NFX1: variants seen among roughly 807,000 people sequenced by gnomAD.
NFX1 encodes the protein transcriptional repressor NF-X1.
A neutral mutation model predicts 137.2 loss-of-function variants in NFX1; 69 were observed. The observed-to-expected ratio is 0.50, with a 90% confidence interval of 0.41 to 0.61. The LOEUF is 0.61. Among genes scored for constraint, NFX1 ranks in the 20% least tolerant of loss-of-function variants. The pLI, the probability that NFX1 is intolerant of heterozygous loss-of-function variation, is 0.00. For synonymous variants in NFX1, 495 were observed against 474.1 expected (o/e 1.04, Z -0.57); for missense variants, 1,167 against 1,391.0 (o/e 0.84, Z 2.56).
At chr9:33,322,826 T>C (rs1564119584) in intron 9 of NFX1, among the ~76,000 whole-genome samples, 1 of 152,176 alleles carries the variant, frequency 6.6e-6, no homozygotes, top group Non-Finnish European at 1.5e-5. Context: ...CTAAGGACAC[T>C]TTAGAAAATG....
In NFX1 at chr9:33,324,822, G is replaced by A. The variant is rs563458701; in HGVS notation, c.1907-3759G>A. On this transcript the variant is annotated intron_variant, in intron 9 of 23. Coordinates refer to ENST00000379540, the MANE Select transcript of NFX1 (RefSeq NM_002504.6). ...CGGGCACCTGTAGTCCCAGCTACTC[G>A]GGAGGCTGAGGCAGGAGAATGGTGT... Among the ~76,000 whole-genome samples, 8 of 151,790 alleles carry A rather than the reference G, an allele frequency of 5.3e-5. No individual in the cohort carries two copies. The East Asian group carries it at 9.7e-4, about 18-fold the overall frequency.
In NFX1 at chr9:33,338,482, T is replaced by G. The variant is rs558735727; in HGVS notation, c.2036-28T>G. On this transcript the variant is annotated intron_variant, in intron 11 of 23. Coordinates refer to ENST00000379540, the MANE Select transcript of NFX1 (RefSeq NM_002504.6). ...AATGTTCATATCCTTTGTCTGGTTT[T>G]TTTTTTCTTTTTAATTTGCCACAGC... The G allele has an allele frequency of 8.1e-6, 13 of 1,602,442 alleles. No homozygotes were observed. In the Admixed American group the frequency reaches 8.5e-5, roughly 10 times the overall value.
At chr9:33,337,082 G>T (rs953977967) in intron 11 of NFX1, among the ~76,000 whole-genome samples, 4 of 152,154 alleles carry the variant, frequency 2.6e-5, no homozygotes, top group Non-Finnish European at 5.9e-5. Flanking sequence ...TCATTATGTT[G>T]GCCAGGCTGG....
At chr9:33,338,144 C>A (rs1005380344) in intron 11 of NFX1, among the ~76,000 whole-genome samples, 1 of 151,858 alleles carries the variant, frequency 6.6e-6, no homozygotes, top group African/African-American at 2.4e-5. Flanking sequence ...CACCTGAGAT[C>A]AGGAGTTAAA....
intron 19 of NFX1, among the ~76,000 whole-genome samples, chr9:33,358,418 C>T (rs890994383): frequency 1.4e-4 from 21 of 152,060 alleles, no homozygotes; most frequent in Non-Finnish European, 3.1e-4. Context: ...GCCACTGCGC[C>T]TGGCCAACTT....
Position 33,318,796 on chromosome 9 carries a change from T to C in NFX1, c.1654T>C (p.Phe552Leu). 1 of 1,614,160 alleles carries C rather than the reference T, an allele frequency of 6.2e-7. No homozygotes were observed. Among genetic ancestry groups the C allele is most frequent in the Non-Finnish European group, 8.5e-7 (1 of 1,180,016 alleles). Residue 552 changes from phenylalanine (F) to leucine (L), a missense_variant, in exon 8 of 24, where the codon TTT becomes CTT. Physicochemically the swap from Phe to Leu is conservative, Grantham distance 22. Around this residue, in one of 3 missense-constraint regions of NFX1, gnomAD observed 488 missense variants for 691.5 expected, o/e 0.71. Transcript: ENST00000379540. The stretch of plus-strand genomic sequence containing the variant: ...AACCGATGTAGGAAAGTCTGATGGA[T>C]TTGGGGATTTCAGCTGTTTAAAGAT... Reference protein sequence around the residue: ...CGTDVGKSDGFGDFSCLKICG... With the variant: ...CGTDVGKSDGLGDFSCLKICG...
At chr9:33,369,373 A>G (rs1675585212) in intron 23 of NFX1, among the ~76,000 whole-genome samples, 1 of 152,194 alleles carries the variant, frequency 6.6e-6, no homozygotes, top group African/African-American at 2.4e-5. Context: ...ATCCCATGCT[A>G]TCTTTTTAAA....
intron 11 of NFX1, among the ~76,000 whole-genome samples, chr9:33,335,398 T>C (rs1273559745): frequency 6.6e-6 from 1 of 151,742 alleles, no homozygotes; most frequent in East Asian, 1.9e-4. Flanking sequence ...GCCTGGCTAA[T>C]TTTTTTGTAT....
At chr9:33,368,321 G>A (rs1466699194) in intron 23 of NFX1, among the ~76,000 whole-genome samples, 1 of 152,100 alleles carries the variant, frequency 6.6e-6, no homozygotes, top group East Asian at 1.9e-4. Context: ...GTACTTTCTT[G>A]TTTTGCTCTG....
intron 5 of NFX1, among the ~76,000 whole-genome samples, chr9:33,309,554 AC>A (rs1214766384): frequency 2.6e-5 from 4 of 152,124 alleles, no homozygotes; most frequent in Non-Finnish European, 5.9e-5. Flanking sequence ...TACTTTCAGG[AC>A]CATAGAAGCC....
intron 14 of NFX1, among the ~76,000 whole-genome samples, chr9:33,344,721 C>T (rs939738089): frequency 3.3e-5 from 5 of 151,984 alleles, no homozygotes; most frequent in Non-Finnish European, 7.4e-5. Flanking sequence ...CAAAAATTAG[C>T]TGGGCATGGT....
intron 14 of NFX1, among the ~76,000 whole-genome samples, chr9:33,344,992 T>C (rs1823364615): frequency 6.6e-6 from 1 of 151,548 alleles, no homozygotes; most frequent in African/African-American, 2.4e-5. Context: ...TGAAACCATG[T>C]CTCTACTAAA....
chr9:33,315,440 T>C lies in NFX1; in HGVS notation c.1588+1647T>C, dbSNP rs377323484. On this transcript the variant is annotated intron_variant, in intron 7 of 23. Coordinates refer to ENST00000379540, the MANE Select transcript of NFX1 (RefSeq NM_002504.6). ...AGCCAAAATCTGCTTCCCTGAAATA[T>C]ACTCTCTCCTTCGTCTGCCTTTCTC... Among the ~76,000 whole-genome samples, 6 of 152,308 alleles carry C rather than the reference T, an allele frequency of 3.9e-5. No homozygotes were observed. In the East Asian group the frequency reaches 9.6e-4, roughly 24 times the overall value.
rs117211957 is a variant in NFX1, at chr9:33,370,207, A to G, written c.*229A>G. ...CTGATTGTATGGTCACTAGGTATGC[A>G]ATCACGCATTCAAAGAGGCTCTTTA... is the stretch of plus-strand genomic sequence containing the variant. On this transcript the variant is annotated 3_prime_UTR_variant, in exon 24 of 24. Coordinates refer to ENST00000379540, the MANE Select transcript of NFX1 (RefSeq NM_002504.6). The G allele has an allele frequency of 9.8e-3, 4,175 of 427,484 alleles. 20 individuals are homozygous for G. The highest frequency in any genetic ancestry group is 0.014 in the Middle Eastern group (27 of 1,874). 26.5% of individuals were successfully genotyped at this position (427,484 alleles called of 1,614,324 possible).
At chr9:33,317,129 T>C (rs1011637952) in intron 7 of NFX1, among the ~76,000 whole-genome samples, 1 of 152,010 alleles carries the variant, frequency 6.6e-6, no homozygotes, top group Non-Finnish European at 1.5e-5. Flanking sequence ...GGGAAAAAAT[T>C]GCATATAGGC....
intron 6 of NFX1, 118 bp from the exon 7 acceptor site, chr9:33,313,536 T>G: frequency 2.3e-6 from 2 of 878,290 alleles, no homozygotes; most frequent in Non-Finnish European, 3.5e-6. Context: ...GTGAGGGAAA[T>G]GAAGTTAGAG....
intron 11 of NFX1, among the ~76,000 whole-genome samples, chr9:33,338,221 G>GTT (rs1233139391): frequency 6.6e-6 from 1 of 151,818 alleles, no homozygotes; most frequent in Non-Finnish European, 1.5e-5. Flanking sequence ...TGGGTGTGGT[G>GTT]GCAGGCACCT....
rs150843879 is a variant in NFX1, at chr9:33,295,290, A to G, written c.896A>G (p.Asn299Ser). 194 of 1,614,170 alleles carry G rather than the reference A, an allele frequency of 1.2e-4. No homozygotes were observed. The highest frequency in any genetic ancestry group is 1.6e-4 in the Non-Finnish European group (185 of 1,180,030). The change falls in exon 2 of 24, where the codon AAC becomes AGC. Residue 299 changes from asparagine to serine, a missense_variant. Physicochemically the swap from Asn to Ser is conservative, Grantham distance 46. Transcript: ENST00000379540. ...GCAAAATCTACCTGTGACAGTGAGA[A>G]CTTGGCAGTCATCAACAAGTCTTCC... is the stretch of plus-strand genomic sequence containing the variant. ...RPAKSTCDSENLAVINKSSRR... is the reference protein window; with the variant it reads ...RPAKSTCDSESLAVINKSSRR...
chr9:33,358,979 G>A (rs1043145883), intron 19 of NFX1, among the ~76,000 whole-genome samples: 1 of 151,690 alleles, frequency 6.6e-6, no homozygotes, highest in Non-Finnish European at 1.5e-5. Flanking sequence ...GTTTACAGGC[G>A]TGAGCCACCA....
Sources: allele counts gnomAD v4.1 joint callset (sites outside exome capture counted in the v4.1 genomes callset), GRCh38; gene constraint gnomAD v4.1.1; regional missense constraint gnomAD v4.1.1; transcripts MANE v1.5; gene names NCBI Gene and HGNC (gene_info 2026-07-23, HGNC 2026-07-21).